Variants in COPRS observed in about 807,000 individuals in gnomAD.
COPRS encodes the protein cooperator of PRMT5.
A neutral mutation model predicts 19.9 loss-of-function variants in COPRS; 11 were observed. The ratio of observed to expected loss-of-function variants is 0.55; its 90% CI spans 0.35 to 0.92. The LOEUF is 0.92. Among genes scored for constraint, COPRS ranks in the 40% least tolerant of loss-of-function variants. The pLI, the probability that COPRS is intolerant of heterozygous loss-of-function variation, is 0.01. For missense variants in COPRS, 225 were observed against 229.9 expected (o/e 0.98, Z 0.14); for synonymous variants, 81 against 82.7 (o/e 0.98, Z 0.11).
chr17:31,858,100 G>A (rs1435520058), intron 1 of COPRS, among the ~76,000 whole-genome samples: 1 of 152,050 alleles, frequency 6.6e-6, no homozygotes, highest in Non-Finnish European at 1.5e-5. Flanking sequence ...ACCTTCAACA[G>A]CCCTCCACTG....
intron 1 of COPRS, 126 bp downstream of exon 1, chr17:31,858,975 C>A (rs909899602): frequency 2.2e-6 from 3 of 1,362,618 alleles, no homozygotes; most frequent in East Asian, 6.3e-5. Flanking sequence ...CGCTCCGTGT[C>A]GCGGGGCGGC....
intron 2 of COPRS, among the ~76,000 whole-genome samples, chr17:31,853,955 A>G (rs149193837): frequency 6.6e-6 from 1 of 152,328 alleles, no homozygotes; most frequent in East Asian, 1.9e-4. Context: ...ATCAGCCTAA[A>G]ACAGCCATGC....
At chr17:31,853,061 G>A (rs1469276467) in intron 2 of COPRS, 31 bp from the exon 3 acceptor site, 4 of 1,545,760 alleles carry the variant, frequency 2.6e-6, no homozygotes, top group Non-Finnish European at 3.6e-6. Flanking sequence ...TGGCCTTAGT[G>A]ACAAACCAAA....
chr17:31,858,627 C>T (rs1909432816), intron 1 of COPRS: 1 of 1,098,948 alleles, frequency 9.1e-7, no homozygotes, highest in African/African-American at 1.6e-5. Context: ...CAAACAGGGC[C>T]TTTCTGGTTT....
intron 1 of COPRS, 167 bp downstream of exon 1, chr17:31,858,933 GC>G: frequency 6.9e-7 from 1 of 1,447,544 alleles, no homozygotes; most frequent in East Asian, 2.7e-5. Context: ...CCGCGGCCTG[GC>G]CGTTTTCAGC....
intron 3 of COPRS, among the ~76,000 whole-genome samples, chr17:31,852,528 A>G (rs940558863): frequency 1.6e-4 from 24 of 152,328 alleles, no homozygotes; most frequent in African/African-American, 5.5e-4. Context: ...TGAAGAAGCA[A>G]ACTGGATAAC....
At position 31,852,184 on chromosome 17, in the gene COPRS, G is replaced by A. The variant is rs767822266; in HGVS notation, c.510C>T (p.Ser170=). 8 of 1,614,136 alleles carry A rather than the reference G, an allele frequency of 5.0e-6. No homozygotes were observed. Among genetic ancestry groups the A allele is most frequent in the Non-Finnish European group, 6.8e-6 (8 of 1,180,014 alleles). The change falls in exon 4 of 4, where the codon TCC becomes TCT. Residue 170 remains serine (S), a synonymous_variant. Transcript: ENST00000302362. ...ACTGTCCTGTTTCAAAGACCATCTT[G>A]GAATAATAGGGTATCAGTGGAGGCG... ...HHPPPLIPYY[S]KMVFETGQFD...
chr17:31,855,169 A>G (rs1293113560), intron 2 of COPRS, among the ~76,000 whole-genome samples: 1 of 152,012 alleles, frequency 6.6e-6, no homozygotes, highest in Non-Finnish European at 1.5e-5. Flanking sequence ...TGAGGTCAGG[A>G]GTTTGAGACC....
intron 1 of COPRS, chr17:31,858,364 T>C (rs1422782491): frequency 1.0e-6 from 1 of 985,268 alleles, no homozygotes; most frequent in Admixed American, 6.2e-5. Flanking sequence ...GCATTTTTCA[T>C]ATCTTACTTT....
chr17:31,857,895 A>T (rs1909412702), intron 1 of COPRS, among the ~76,000 whole-genome samples: 1 of 152,194 alleles, frequency 6.6e-6, no homozygotes, highest in Non-Finnish European at 1.5e-5. Flanking sequence ...CACCTGCTCC[A>T]ATCAGCATTC....
chr17:31,855,237 A>C (rs549192902), intron 2 of COPRS, among the ~76,000 whole-genome samples: 12 of 151,984 alleles, frequency 7.9e-5, no homozygotes, highest in South Asian at 6.2e-4. Context: ...TTAGGCCGGG[A>C]GCAGTGGCTC....
In COPRS at chr17:31,852,942, C is replaced by T. The variant is rs1909209365; in HGVS notation, c.255G>A (p.Glu85=). 2 of 1,613,998 alleles carry T rather than the reference C, an allele frequency of 1.2e-6. No individual in the cohort carries two copies. Among genetic ancestry groups the T allele is most frequent in the Middle Eastern group, 1.6e-4 (1 of 6,062 alleles). Residue 85 remains glutamate (E), a synonymous_variant, in exon 3 of 4, where the codon GAG becomes GAA. Coordinates refer to ENST00000302362, the MANE Select transcript of COPRS (RefSeq NM_018405.4). ...AGGTATTCAGTTCTCCATCAGAGTC[C>T]TCCTCATCCATGGCAAAGCCTTCCT... ...SEEEGFAMDE[E]DSDGELNTWE...
chr17:31,855,455 C>A (rs1413910574), intron 2 of COPRS, among the ~76,000 whole-genome samples: 2 of 151,712 alleles, frequency 1.3e-5, no homozygotes, highest in Admixed American at 6.6e-5. Flanking sequence ...TGCAGTGAGC[C>A]GAGATAGTGC....
chr17:31,856,346 T>C (rs886532426), intron 2 of COPRS, among the ~76,000 whole-genome samples: 6 of 152,002 alleles, frequency 3.9e-5, no homozygotes, highest in Non-Finnish European at 7.4e-5. Flanking sequence ...AAAAAAAAGA[T>C]ATTTTGAGAG....
At position 31,852,976 on chromosome 17, in the gene COPRS, T is replaced by C; in HGVS notation, c.221A>G (p.His74Arg). The C allele has an allele frequency of 6.2e-7, 1 of 1,614,188 alleles. No individual in the cohort carries two copies. The highest frequency in any genetic ancestry group is 8.5e-7 in the Non-Finnish European group (1 of 1,180,006). ...NDSPARGEGT[H>R]SEEEGFAMDE... is the part of the protein sequence containing the mutation. ...CATGGCAAAGCCTTCCTCTTCAGAATGGGTGCCCTCACCCCGGGCAGGACT... is the reference window on the plus strand; with the variant it reads ...CATGGCAAAGCCTTCCTCTTCAGAACGGGTGCCCTCACCCCGGGCAGGACT... Residue 74 changes from histidine (H) to arginine (R), a missense_variant, in exon 3 of 4, where the codon CAT (histidine) becomes CGT (arginine). Physicochemically the swap from His to Arg is conservative, Grantham distance 29. Coordinates refer to ENST00000302362, the MANE Select transcript of COPRS (RefSeq NM_018405.4).
intron 1 of COPRS, chr17:31,858,841 C>T (rs1394573440): frequency 6.5e-7 from 1 of 1,548,554 alleles, no homozygotes; most frequent in African/African-American, 1.4e-5. Context: ...CGCAGCGGCG[C>T]CCAGCGGGCG....
chr17:31,855,302 G>A (rs929864211), intron 2 of COPRS, among the ~76,000 whole-genome samples: 4 of 152,064 alleles, frequency 2.6e-5, no homozygotes, highest in Non-Finnish European at 4.4e-5. Flanking sequence ...ACGAGGTCAG[G>A]AGATCGAGAC....
At chr17:31,857,729 C>T (rs899359405) in intron 1 of COPRS, among the ~76,000 whole-genome samples, 22 of 152,188 alleles carry the variant, frequency 1.4e-4, no homozygotes, top group Admixed American at 3.9e-4. Flanking sequence ...AATTACTGTG[C>T]CTGAGTTTTC....
At position 31,853,807 on chromosome 17, in the gene COPRS, G is replaced by T. The variant is rs116526134; in HGVS notation, c.167-777C>A. Among the ~76,000 whole-genome samples, 955 of 152,238 alleles carry T rather than the reference G, an allele frequency of 6.3e-3. 12 individuals are homozygous for T. The highest frequency in any genetic ancestry group is 0.022 in the African/African-American group (906 of 41,524). The stretch of plus-strand genomic sequence containing the variant: ...ATCTAATCACAATGGGCAGCACCTA[G>T]TGCCTCCCTCTGACATCAGGGAGGC... On this transcript the variant is annotated intron_variant, in intron 2 of 3. Transcript: ENST00000302362.
Sources: allele counts gnomAD v4.1 joint callset (sites outside exome capture counted in the v4.1 genomes callset), GRCh38; gene constraint gnomAD v4.1.1; transcripts MANE v1.5; gene names NCBI Gene and HGNC (gene_info 2026-07-23, HGNC 2026-07-21).